Variants in FOXJ3 observed in about 807,000 individuals in gnomAD.
FOXJ3 encodes the protein forkhead box protein J3.
Under a neutral mutation model 76.1 loss-of-function variants are expected in FOXJ3, and 22 were observed. That is an observed-to-expected ratio of 0.29 (90% CI 0.21 to 0.41). The LOEUF is 0.41. FOXJ3 is among the 10% of genes least tolerant of loss of function. FOXJ3 has a pLI of 1.00. For synonymous variants in FOXJ3, 269 were observed against 261.2 expected (o/e 1.03, Z -0.29); for missense variants, 613 against 762.1 (o/e 0.80, Z 2.30).
chr1:42,259,435 A>G (rs1650865622), intron 4 of FOXJ3, among the ~76,000 whole-genome samples: 1 of 152,206 alleles, frequency 6.6e-6, no homozygotes, highest in South Asian at 2.1e-4. Context: ...TGGAAAAGAA[A>G]AAAGAGGCCA....
intron 5 of FOXJ3, among the ~76,000 whole-genome samples, chr1:42,212,755 G>C (rs1646988296): frequency 6.6e-6 from 1 of 151,960 alleles, no homozygotes; most frequent in African/African-American, 2.4e-5. Context: ...ATCACCAAAG[G>C]CATGGAGTCA....
intron 2 of FOXJ3, among the ~76,000 whole-genome samples, chr1:42,289,224 T>C (rs562894019): frequency 3.3e-5 from 5 of 151,668 alleles, no homozygotes; most frequent in African/African-American, 1.2e-4. Context: ...TTTCTTAATA[T>C]ATATAATTAT....
chr1:42,270,605 GGTGAA>G (rs1651797865), intron 3 of FOXJ3, among the ~76,000 whole-genome samples: 1 of 152,162 alleles, frequency 6.6e-6, no homozygotes, highest in African/African-American at 2.4e-5. Flanking sequence ...AAAAGAAGTT[GGTGAA>G]GTGGAGAGGC....
At chr1:42,270,230 AG>A (rs1651769908) in intron 3 of FOXJ3, among the ~76,000 whole-genome samples, 1 of 152,198 alleles carries the variant, frequency 6.6e-6, no homozygotes, top group Non-Finnish European at 1.5e-5. Context: ...TCAGTTCTTT[AG>A]GGAAGCCCTT....
chr1:42,215,379 T>C (rs1647045486), intron 5 of FOXJ3, among the ~76,000 whole-genome samples: 1 of 151,774 alleles, frequency 6.6e-6, no homozygotes, highest in Admixed American at 6.6e-5. Flanking sequence ...TGGAAATGAA[T>C]AAGTAAAGAA....
At chr1:42,231,236 G>A (rs913096243) in intron 4 of FOXJ3, among the ~76,000 whole-genome samples, 1 of 152,068 alleles carries the variant, frequency 6.6e-6, no homozygotes, top group Non-Finnish European at 1.5e-5. Context: ...TGAGGCAGGA[G>A]AATGGCGTGA....
intron 4 of FOXJ3, among the ~76,000 whole-genome samples, chr1:42,256,226 A>G (rs1329261346): frequency 6.6e-6 from 1 of 152,216 alleles, no homozygotes; most frequent in Non-Finnish European, 1.5e-5. Context: ...AAAAATTGAT[A>G]AATTAGACCT....
intron 9 of FOXJ3, 94 bp from the exon 10 acceptor site, chr1:42,189,498 C>T (rs1012990410): frequency 2.3e-6 from 2 of 861,800 alleles, no homozygotes; most frequent in African/African-American, 3.3e-5. Context: ...CTGAAATTGG[C>T]TGATTCTTGT....
rs528795478 is a variant in FOXJ3 at position 42,283,906 on chromosome 1, T to C, written c.45-5234A>G. 2.0e-5 allele frequency among the ~76,000 whole-genome samples: 3 copies of C among 152,312 alleles called. No homozygotes were observed. In the East Asian group the frequency reaches 5.8e-4, roughly 29 times the overall value. ...TTTTATTCAGGATGGTATTGCACCT[T>C]TTGCCCTGCCTGCCCTCTGGAATGC... On this transcript the variant is annotated intron_variant, in intron 2 of 12. Coordinates refer to ENST00000361346, the MANE Select transcript of FOXJ3 (RefSeq NM_014947.5).
intron 2 of FOXJ3, among the ~76,000 whole-genome samples, chr1:42,286,234 A>G (rs567631507): frequency 4.6e-5 from 7 of 152,244 alleles, no homozygotes; most frequent in Non-Finnish European, 8.8e-5. Flanking sequence ...TTCCAAAGGA[A>G]AACAGCTGGT....
At chr1:42,310,450 CTTTTTTT>C in intron 2 of FOXJ3, among the ~76,000 whole-genome samples, 1 of 130,184 alleles carries the variant, frequency 7.7e-6, no homozygotes, top group African/African-American at 2.8e-5. Context: ...GGGCTTTTTT[CTTTTTTT>C]TTTTTTTTAG....
intron 2 of FOXJ3, among the ~76,000 whole-genome samples, chr1:42,302,423 G>A (rs1654207820): frequency 6.6e-6 from 1 of 152,254 alleles, no homozygotes; most frequent in African/African-American, 2.4e-5. Context: ...CCCTGGAGCA[G>A]GAGACCAAGA....
At chr1:42,204,459 C>T (rs1236382769) in intron 6 of FOXJ3, among the ~76,000 whole-genome samples, 3 of 152,158 alleles carry the variant, frequency 2.0e-5, no homozygotes, top group Admixed American at 6.5e-5. Flanking sequence ...TTACTACTTC[C>T]TAATTGTTTC....
intron 1 of FOXJ3, among the ~76,000 whole-genome samples, chr1:42,311,962 A>C (rs1273700408): frequency 2.0e-5 from 3 of 152,218 alleles, no homozygotes; most frequent in Admixed American, 2.0e-4. Context: ...GGGCAGAACG[A>C]TGATTCACAA....
intron 8 of FOXJ3, among the ~76,000 whole-genome samples, chr1:42,194,444 G>A (rs1364545379): frequency 6.6e-6 from 1 of 152,192 alleles, no homozygotes; most frequent in African/African-American, 2.4e-5. Flanking sequence ...TCACTTCTAA[G>A]TGCCACACTC....
chr1:42,250,057 GA>G (rs1325717283), intron 4 of FOXJ3, among the ~76,000 whole-genome samples: 1 of 152,164 alleles, frequency 6.6e-6, no homozygotes. Flanking sequence ...GCCTGGACTT[GA>G]AAATAGGACC....
intron 1 of FOXJ3, among the ~76,000 whole-genome samples, chr1:42,333,874 T>C (rs777035585): frequency 2.0e-5 from 3 of 152,194 alleles, no homozygotes; most frequent in Non-Finnish European, 2.9e-5. Flanking sequence ...AAAAGAGCTA[T>C]GCATATAACG....
At chr1:42,211,394 G>A (rs994321244) in intron 5 of FOXJ3, among the ~76,000 whole-genome samples, 2 of 152,006 alleles carry the variant, frequency 1.3e-5, no homozygotes, top group Non-Finnish European at 1.5e-5. Flanking sequence ...ATCTGGTCAG[G>A]AGTGTGACTG....
Position 42,225,414 on chromosome 1 carries a change from T to C in FOXJ3, c.528+2469A>G, listed in dbSNP as rs149265343. ...TACTATATATTATATAACCTCTCAC[T>C]TCCCACTCTAAAAAAAACTCTAAAG... On this transcript the variant is annotated intron_variant, in intron 5 of 12. Transcript: ENST00000361346. 5.9e-5 allele frequency among the ~76,000 whole-genome samples: 9 copies of C among 152,252 alleles called. No homozygotes were observed. In the East Asian group the frequency reaches 1.7e-3, roughly 29 times the overall value.
Sources: gnomAD v4.1 joint callset for allele counts (sites outside exome capture counted in the v4.1 genomes callset) on GRCh38, gnomAD v4.1.1 for gene constraint, MANE v1.5 for transcripts, NCBI Gene and HGNC (gene_info 2026-07-23, HGNC 2026-07-21) for gene names.